AGAP1: variants seen among roughly 807,000 people sequenced by gnomAD.
AGAP1 encodes the protein ArfGAP with GTPase domain, ankyrin repeat and PH domain 1.
A neutral mutation model predicts 105.3 loss-of-function variants in AGAP1; 29 were observed. The ratio of observed to expected loss-of-function variants is 0.28; its 90% confidence interval spans 0.21 to 0.38. The LOEUF (loss-of-function observed/expected upper bound fraction) is 0.38. AGAP1 is among the 10% of genes least tolerant of loss of function. The pLI, the probability that AGAP1 is intolerant of heterozygous loss-of-function variation, is 1.00. For synonymous variants in AGAP1, 509 were observed against 485.9 expected, an observed-to-expected ratio of 1.05 and a Z score of -0.63; for missense variants, 998 against 1,165.1, an observed-to-expected ratio of 0.86 and a Z score of 2.09.
At chr2:235,804,280 C>G (rs991688846) in intron 8 of AGAP1, among the ~76,000 whole-genome samples, 1 of 151,944 alleles carries the variant, frequency 6.6e-6, no homozygotes, top group Non-Finnish European at 1.5e-5. Flanking sequence ...TTTATAATAA[C>G]GATGTTATTT....
intron 1 of AGAP1, among the ~76,000 whole-genome samples, chr2:235,546,417 TTAAG>T (rs1438683941): frequency 6.6e-6 from 1 of 152,092 alleles, no homozygotes; most frequent in African/African-American, 2.4e-5. Flanking sequence ...TAGCCAGGTT[TTAAG>T]TTAACCAGGT....
At chr2:235,987,020 T>C (rs1420246035) in intron 13 of AGAP1, among the ~76,000 whole-genome samples, 2 of 152,154 alleles carry the variant, frequency 1.3e-5, no homozygotes, top group East Asian at 1.9e-4. Context: ...TCCTTTTCAA[T>C]TGTTTGGAAT....
chr2:235,762,068 C>T lies in AGAP1; in HGVS notation c.673+11580C>T, dbSNP rs191368757. Among the ~76,000 whole-genome samples the T allele has an allele frequency of 1.1e-4, 16 of 148,614 alleles. No individual in the cohort carries two copies. In the East Asian group the frequency reaches 3.2e-3, roughly 30 times the overall value. On this transcript the variant is annotated intron_variant, in intron 6 of 17. Transcript: ENST00000304032. ...AAGTTCCAGTGAGCCGAGATTGTGC[C>T]GTTGCATTCCAGCCTGGGGGGATAA...
At chr2:235,588,122 C>T (rs1238490841) in intron 1 of AGAP1, among the ~76,000 whole-genome samples, 2 of 151,000 alleles carry the variant, frequency 1.3e-5, no homozygotes, top group Non-Finnish European at 2.9e-5. Context: ...CCCAGCTACT[C>T]GGGAGACTGA....
chr2:235,968,147 A>C (rs1223752307), intron 12 of AGAP1, among the ~76,000 whole-genome samples: 2 of 152,238 alleles, frequency 1.3e-5, no homozygotes. Context: ...ACTAAAAAGC[A>C]TAAACTCACC....
At chr2:235,928,276 C>T (rs931407815) in intron 11 of AGAP1, among the ~76,000 whole-genome samples, 2 of 152,166 alleles carry the variant, frequency 1.3e-5, no homozygotes, top group Non-Finnish European at 2.9e-5. Flanking sequence ...TCTTGGGAGG[C>T]GCCTCCTCCC....
intron 13 of AGAP1, among the ~76,000 whole-genome samples, chr2:236,004,739 G>T (rs2056258460): frequency 6.6e-6 from 1 of 152,214 alleles, no homozygotes; most frequent in Admixed American, 6.5e-5. Flanking sequence ...AGTTGGGGCA[G>T]CCTTTCGAGT....
intron 1 of AGAP1, among the ~76,000 whole-genome samples, chr2:235,703,636 TC>T (rs1399694215): frequency 7.0e-6 from 1 of 142,134 alleles, no homozygotes; most frequent in Non-Finnish European, 1.5e-5. Context: ...CCTCGCTCTA[TC>T]CCCCAGGCTG....
chr2:235,675,118 TAA>T (rs1182676081), intron 1 of AGAP1, among the ~76,000 whole-genome samples: 1 of 151,908 alleles, frequency 6.6e-6, no homozygotes, highest in African/African-American at 2.4e-5. Flanking sequence ...AACAATTTGA[TAA>T]AGTTTGATTT....
At chr2:235,718,323 C>CAGTTTGAGACACTCAGTCCAAATCAGTT in intron 3 of AGAP1, 1 of 970,728 alleles carries the variant, frequency 1.0e-6, no homozygotes, top group Non-Finnish European at 1.2e-6. Context: ...AAATCCAACT[C>CAGTTTGAGACACTCAGTCCAAATCAGTT]TGAGACACTG....
At chr2:235,785,833 C>T (rs1402881214) in intron 6 of AGAP1, among the ~76,000 whole-genome samples, 1 of 152,152 alleles carries the variant, frequency 6.6e-6, no homozygotes, top group African/African-American at 2.4e-5. Flanking sequence ...TTTATCTGCA[C>T]TTATCTTAGG....
intron 1 of AGAP1, among the ~76,000 whole-genome samples, chr2:235,558,608 C>T (rs1267594105): frequency 6.6e-6 from 1 of 152,144 alleles, no homozygotes; most frequent in Non-Finnish European, 1.5e-5. Context: ...CCTACTTTCC[C>T]CCACACTGAG....
At chr2:235,679,186 GC>G (rs1430023826) in intron 1 of AGAP1, among the ~76,000 whole-genome samples, 3 of 152,210 alleles carry the variant, frequency 2.0e-5, no homozygotes, top group Non-Finnish European at 4.4e-5. Context: ...AGGTGATTCT[GC>G]CTAGTTATCT....
In AGAP1 at chr2:235,690,815, T is replaced by G. The variant is rs1228730054; in HGVS notation, c.164-18364T>G. 1.3e-5 allele frequency among the ~76,000 whole-genome samples: 2 copies of G among 152,202 alleles called. No individual in the cohort carries two copies. The highest frequency in any genetic ancestry group is 1.5e-5 in the Non-Finnish European group (1 of 68,044). On this transcript the variant is annotated intron_variant, in intron 1 of 17. Coordinates refer to ENST00000304032, the MANE Select transcript of AGAP1 (RefSeq NM_001037131.3). The surrounding 1 kb of genome is among the most constrained non-coding windows in gnomAD (Gnocchi z 4.1). The stretch of plus-strand genomic sequence containing the variant: ...TGTGTTTCTTCTTGATTTATTTATT[T>G]TTTTCTCCAGTCTAGTCATAGTATT...
rs546566494 is a variant in AGAP1, at chr2:235,669,621, A to ACCGCCGCCCGCCGC, written c.164-39552_164-39539dup. On this transcript the variant is annotated intron_variant, in intron 1 of 17. Transcript: ENST00000304032. Reference sequence around the variant, plus strand: ...GCCCCGGCGCGCGTTTCCATTTTAAACCGCCGCCCGCCGCCCGCCACCCGC... The same window carrying ACCGCCGCCCGCCGC: ...GCCCCGGCGCGCGTTTCCATTTTAAACCGCCGCCCGCCGCCCGCCGCCCGCCGCCCGCCACCCGC... 3.2e-3 allele frequency: 400 copies of ACCGCCGCCCGCCGC among 125,376 alleles called. 2 individuals carry two copies. The highest frequency in any genetic ancestry group is 0.011 in the African/African-American group (369 of 34,072). 7.8% of individuals were successfully genotyped at this position (125,376 alleles called of 1,614,324 possible). A position where few individuals can be genotyped will look rare whatever the true frequency, so the allele number is the denominator to read the frequency against.
At chr2:235,709,466 G>A (rs1365105632) in intron 2 of AGAP1, among the ~76,000 whole-genome samples, 1 of 152,022 alleles carries the variant, frequency 6.6e-6, no homozygotes, top group Non-Finnish European at 1.5e-5. Context: ...CAGCCAGGGC[G>A]GTGTCTCATG....
chr2:235,920,026 G>A (rs746522895), intron 11 of AGAP1, among the ~76,000 whole-genome samples: 8 of 152,098 alleles, frequency 5.3e-5, no homozygotes, highest in East Asian at 1.9e-4. Flanking sequence ...TGCAAAGGTC[G>A]GAATAAGACT....
In AGAP1 at chr2:235,714,612, G is replaced by A. The variant is rs955768832; in HGVS notation, c.223-2945G>A. 1.2e-4 allele frequency among the ~76,000 whole-genome samples: 18 copies of A among 151,820 alleles called. No individual in the cohort carries two copies. Among genetic ancestry groups the A allele is most frequent in the Admixed American group, 6.6e-5 (1 of 15,252 alleles). On this transcript the variant is annotated intron_variant, in intron 2 of 17. Transcript: ENST00000304032. The surrounding 1 kb of genome is among the most constrained non-coding windows in gnomAD (Gnocchi z 4.1). ...AGGACAGGACCGAGCATAGGTTTTA[G>A]AAAGGCCACTCTGGCTGATGAGTAG...
rs574816590 is a variant in AGAP1, at chr2:235,735,390, T to C, written c.311-5573T>C. Among the ~76,000 whole-genome samples, 8 of 152,312 alleles carry C rather than the reference T, an allele frequency of 5.3e-5. 1 individual carries two copies. In the South Asian group the frequency reaches 1.7e-3, roughly 32 times the overall value. On this transcript the variant is annotated intron_variant, in intron 3 of 17. Transcript: ENST00000304032. ...ATAGATGATCTCCCTCTCCGACTTG[T>C]CTCTGTGTAGACTGCACTTGTGTTC...
Sources: gnomAD v4.1 joint callset for allele counts (sites outside exome capture counted in the v4.1 genomes callset) on GRCh38, gnomAD v4.1.1 for gene constraint, Gnocchi (gnomAD v3.1) non-coding constraint, MANE v1.5 for transcripts, NCBI Gene and HGNC (gene_info 2026-07-23, HGNC 2026-07-21) for gene names.